Variants in PPP1R9A observed in about 807,000 individuals in gnomAD.
The protein encoded by PPP1R9A is neurabin-1.
A neutral mutation model predicts 141.9 loss-of-function variants in PPP1R9A; 59 were observed. The observed-to-expected ratio is 0.42, with a 90% CI of 0.34 to 0.52. The LOEUF (loss-of-function observed/expected upper bound fraction) is 0.52. Among genes scored for constraint, PPP1R9A ranks in the 20% least tolerant of loss-of-function variants. The pLI, the probability that PPP1R9A is intolerant of heterozygous loss-of-function variation, is 0.10. For synonymous variants in PPP1R9A, 500 were observed against 569.7 expected, an observed-to-expected ratio of 0.88 and a Z score of 1.74; for missense variants, 1,444 against 1,611.9, an observed-to-expected ratio of 0.90 and a Z score of 1.78.
In PPP1R9A at chr7:95,040,892, T is replaced by C. The variant is rs1200956748; in HGVS notation, c.1396-70367T>C. Among the ~76,000 whole-genome samples, 5 of 152,140 alleles carry C rather than the reference T, an allele frequency of 3.3e-5. No individual in the cohort carries two copies. In the South Asian group the frequency reaches 6.2e-4, roughly 19 times the overall value. The stretch of plus-strand genomic sequence containing the variant: ...TAATCCTCTCTCTCCCTGCTGAAAA[T>C]CCTCTACAGTTCTCACCTTGGCCTC... On this transcript the variant is annotated intron_variant, in intron 2 of 19. Coordinates refer to ENST00000433360, the MANE Select transcript of PPP1R9A (RefSeq NM_001166160.2).
At chr7:94,937,547 T>G (rs1794901484) in intron 2 of PPP1R9A, among the ~76,000 whole-genome samples, 1 of 152,186 alleles carries the variant, frequency 6.6e-6, no homozygotes, top group African/African-American at 2.4e-5. Flanking sequence ...GCCACAGCTA[T>G]CAACATATAG....
intron 2 of PPP1R9A, among the ~76,000 whole-genome samples, chr7:95,022,446 T>C (rs1806120752): frequency 6.6e-6 from 1 of 152,216 alleles, no homozygotes; most frequent in East Asian, 1.9e-4. Flanking sequence ...TGACTTCCTC[T>C]ATTCCTATTT....
intron 5 of PPP1R9A, among the ~76,000 whole-genome samples, chr7:95,191,012 A>G (rs1042352945): frequency 6.6e-6 from 1 of 152,274 alleles, no homozygotes; most frequent in Non-Finnish European, 1.5e-5. Flanking sequence ...TCTGAAAAAT[A>G]AGGAATTCAT....
chr7:95,278,232 T>C (rs1803555669), intron 16 of PPP1R9A, among the ~76,000 whole-genome samples: 3 of 152,186 alleles, frequency 2.0e-5, no homozygotes, highest in Admixed American at 2.0e-4. Flanking sequence ...GCGTACACTG[T>C]CCAGTATGGT....
intron 2 of PPP1R9A, among the ~76,000 whole-genome samples, chr7:95,008,154 A>C (rs567899287): frequency 6.6e-6 from 1 of 152,288 alleles, no homozygotes; most frequent in East Asian, 1.9e-4. Context: ...TTATGGTTTT[A>C]TGGTAAGAAA....
chr7:94,998,375 C>A lies in PPP1R9A; in HGVS notation c.1395+86867C>A, dbSNP rs528166353. Among the ~76,000 whole-genome samples, 12 of 152,276 alleles carry A rather than the reference C, an allele frequency of 7.9e-5. No individual in the cohort carries two copies. The South Asian group carries it at 2.5e-3, about 32-fold the overall frequency. On this transcript the variant is annotated intron_variant, in intron 2 of 19. Coordinates refer to ENST00000433360, the MANE Select transcript of PPP1R9A (RefSeq NM_001166160.2). ...TCATTTTACAGGAGGAAACTAACTT[C>A]TAGAAGGGTCAAATGTTTTGTCTTA...
intron 2 of PPP1R9A, among the ~76,000 whole-genome samples, chr7:95,071,103 G>A (rs11974225): frequency 0.014 from 2,059 of 151,900 alleles, 49 homozygotes; most frequent in African/African-American, 0.048. Context: ...TGTATTCAGG[G>A]CTTATAAAAC....
intron 2 of PPP1R9A, among the ~76,000 whole-genome samples, chr7:94,991,890 G>A (rs1215261823): frequency 2.0e-5 from 3 of 152,138 alleles, no homozygotes; most frequent in African/African-American, 7.2e-5. Context: ...GAGCTCAAAC[G>A]ATCCACCCGC....
rs1438151109 is a variant in PPP1R9A at position 94,922,044 on chromosome 7, G to T, written c.1395+10536G>T. On this transcript the variant is annotated intron_variant, in intron 2 of 19. Coordinates refer to ENST00000433360, the MANE Select transcript of PPP1R9A (RefSeq NM_001166160.2). The stretch of plus-strand genomic sequence containing the variant: ...TATACAGTTTCTTGCTTAGCGTCTA[G>T]AATTACCTATTATTTAGGATAGATT... Among the ~76,000 whole-genome samples the T allele has an allele frequency of 2.0e-5, 3 of 150,764 alleles. No individual in the cohort carries two copies. The East Asian group carries it at 5.8e-4, about 29-fold the overall frequency.
intron 4 of PPP1R9A, among the ~76,000 whole-genome samples, chr7:95,161,516 T>C (rs1462485807): frequency 6.6e-6 from 1 of 152,254 alleles, no homozygotes; most frequent in Non-Finnish European, 1.5e-5. Context: ...ATAGAGATAG[T>C]ATTTGCATAT....
At chr7:95,120,340 A>G (rs1822342101) in intron 3 of PPP1R9A, among the ~76,000 whole-genome samples, 1 of 152,342 alleles carries the variant, frequency 6.6e-6, no homozygotes, top group South Asian at 2.1e-4. Flanking sequence ...ATATGTTATG[A>G]TCAGATTTAT....
chr7:95,154,141 G>A (rs1164171730), intron 4 of PPP1R9A, among the ~76,000 whole-genome samples: 1 of 149,890 alleles, frequency 6.7e-6, no homozygotes, highest in African/African-American at 2.5e-5. Context: ...TTTTTTTTAT[G>A]TAGAGTTTAT....
chr7:94,988,439 G>A (rs189382936), intron 2 of PPP1R9A, among the ~76,000 whole-genome samples: 2 of 151,974 alleles, frequency 1.3e-5, no homozygotes, highest in African/African-American at 4.8e-5. Context: ...TTTTGTTTTA[G>A]TAATGTTTCC....
intron 10 of PPP1R9A, 91 bp from the exon 11 acceptor site, chr7:95,251,671 T>C: frequency 8.4e-7 from 1 of 1,188,272 alleles, no homozygotes; most frequent in South Asian, 1.7e-5. Context: ...ACTGTTCAGT[T>C]GCTTATCCTA....
intron 2 of PPP1R9A, among the ~76,000 whole-genome samples, chr7:95,028,526 T>C (rs1462658628): frequency 6.6e-6 from 1 of 152,206 alleles, no homozygotes; most frequent in Non-Finnish European, 1.5e-5. Context: ...TAACATGTAA[T>C]CTAGGTAAGT....
intron 2 of PPP1R9A, among the ~76,000 whole-genome samples, chr7:95,088,972 C>T (rs866060671): frequency 2.0e-5 from 3 of 152,064 alleles, no homozygotes; most frequent in East Asian, 1.9e-4. Flanking sequence ...TAACTCCCCT[C>T]GTTTTTACAG....
At chr7:95,208,999 A>G (rs1168526062) in intron 7 of PPP1R9A, among the ~76,000 whole-genome samples, 2 of 150,690 alleles carry the variant, frequency 1.3e-5, no homozygotes, top group Non-Finnish European at 3.0e-5. Context: ...ATTCAGCAGA[A>G]TTACTCCAGA....
At chr7:94,990,715 T>G (rs1361275854) in intron 2 of PPP1R9A, among the ~76,000 whole-genome samples, 1 of 152,072 alleles carries the variant, frequency 6.6e-6, no homozygotes, top group African/African-American at 2.4e-5. Flanking sequence ...GTGCTTCCCC[T>G]TCTTAGCATC....
rs979896491 is a variant in PPP1R9A at position 95,187,421 on chromosome 7, C to G, written c.1755-10928C>G. Among the ~76,000 whole-genome samples, 5 of 152,040 alleles carry G rather than the reference C, an allele frequency of 3.3e-5. No individual in the cohort carries two copies. In the East Asian group the frequency reaches 9.6e-4, roughly 29 times the overall value. ...TATTTTCTCTTCTTGGTTAGTTGCA[C>G]TAATGGTCTATCAATTTTGTTCATC... is the stretch of plus-strand genomic sequence containing the variant. On this transcript the variant is annotated intron_variant, in intron 5 of 19. Coordinates refer to ENST00000433360, the MANE Select transcript of PPP1R9A (RefSeq NM_001166160.2).
Sources: gnomAD v4.1 joint callset for allele counts (sites outside exome capture counted in the v4.1 genomes callset) on GRCh38, gnomAD v4.1.1 for gene constraint, MANE v1.5 for transcripts, NCBI Gene and HGNC (gene_info 2026-07-23, HGNC 2026-07-21) for gene names.